Variants in PROM1 observed in about 807,000 individuals in gnomAD.
The protein encoded by PROM1 is prominin-1.
A neutral mutation model predicts 116.9 loss-of-function variants in PROM1; 105 were observed. The ratio of observed to expected loss-of-function variants is 0.90; its 90% CI spans 0.77 to 1.06. The LOEUF (loss-of-function observed/expected upper bound fraction) is 1.06. Among genes scored for constraint, PROM1 ranks in the 50% least tolerant of loss-of-function variants. The probability of loss-of-function intolerance (pLI) is 0.00; values close to 1 mark genes in which losing one functional copy is unlikely to be tolerated. For missense variants in PROM1, 1,122 were observed against 1,045.2 expected (o/e 1.07, Z -1.01); for synonymous variants, 393 against 387.0 (o/e 1.02, Z -0.18).
At chr4:16,067,827 G>A (rs1741881741) in intron 2 of PROM1, among the ~76,000 whole-genome samples, 2 of 152,150 alleles carry the variant, frequency 1.3e-5, no homozygotes, top group South Asian at 2.1e-4. Context: ...GACAGTGAGG[G>A]CCCACAGCAG....
At chr4:15,986,746 T>C (rs2149084934) in intron 20 of PROM1, among the ~76,000 whole-genome samples, 1 of 152,302 alleles carries the variant, frequency 6.6e-6, no homozygotes. Context: ...ATCAGAGGCA[T>C]AGCGAGGGTC....
At chr4:16,016,497 T>G (rs929122535) in intron 9 of PROM1, among the ~76,000 whole-genome samples, 2 of 152,212 alleles carry the variant, frequency 1.3e-5, no homozygotes, top group African/African-American at 4.8e-5. Flanking sequence ...GTAACACAAA[T>G]GTAATATATA....
chr4:16,019,435 T>C (rs774658362), intron 8 of PROM1, among the ~76,000 whole-genome samples: 23 of 152,254 alleles, frequency 1.5e-4, no homozygotes, highest in Non-Finnish European at 2.8e-4. Context: ...CAACGCATAT[T>C]CTACAGTGTA....
chr4:16,039,960 A>G (rs1376899326), intron 2 of PROM1, among the ~76,000 whole-genome samples: 1 of 152,098 alleles, frequency 6.6e-6, no homozygotes, highest in African/African-American at 2.4e-5. Context: ...AGAGGGTGAC[A>G]TAGTGATTCG....
At position 15,979,868 on chromosome 4, in the gene PROM1, T is replaced by A. The variant is rs546909514; in HGVS notation, c.2513+13A>T. 1.1e-5 allele frequency: 16 copies of A among 1,446,688 alleles called. No individual in the cohort carries two copies. In the East Asian group the frequency reaches 2.0e-4, roughly 18 times the overall value. The allele number at this position is 1,446,688 out of a possible 1,614,324, so 89.6% of individuals were successfully genotyped here. ...ATCCCATCTAGGAATATAGTTTTTT[T>A]AAAAAGGCTTACTTTTTCATGGGTA... On this transcript the variant is annotated intron_variant, in intron 25 of 27. Coordinates refer to ENST00000447510, the MANE Select transcript of PROM1 (RefSeq NM_006017.3).
chr4:16,072,795 TGAGATACTTTG>T (rs1180910794), intron 2 of PROM1, among the ~76,000 whole-genome samples: 1 of 152,194 alleles, frequency 6.6e-6, no homozygotes, highest in African/African-American at 2.4e-5. Flanking sequence ...AATCAGTGCT[TGAGATACTTTG>T]CAGATACTTT....
rs74997366 is a variant in PROM1, at chr4:16,067,927, T to C, written c.220+7760A>G. On this transcript the variant is annotated intron_variant, in intron 2 of 27. Transcript: ENST00000447510. Reference sequence around the variant, plus strand: ...GTGAGCCAGAAGCCCTCCCTGGGAATTGAGAATTGGGATAGAAAAAGAAAG... The same window carrying C: ...GTGAGCCAGAAGCCCTCCCTGGGAACTGAGAATTGGGATAGAAAAAGAAAG... Among the ~76,000 whole-genome samples, 1,357 of 152,056 alleles carry C rather than the reference T, an allele frequency of 8.9e-3. 12 individuals are homozygous for C. The highest frequency in any genetic ancestry group is 0.031 in the African/African-American group (1,292 of 41,468).
intron 10 of PROM1, among the ~76,000 whole-genome samples, chr4:16,015,735 T>C (rs1728213720): frequency 6.6e-6 from 1 of 151,636 alleles, no homozygotes; most frequent in Non-Finnish European, 1.5e-5. Flanking sequence ...AGTAGCTAGC[T>C]ACTTGGAGAG....
At chr4:16,021,740 A>G (rs1203126856) in intron 8 of PROM1, among the ~76,000 whole-genome samples, 26 of 152,056 alleles carry the variant, frequency 1.7e-4, no homozygotes, top group Non-Finnish European at 4.4e-5. Flanking sequence ...CCGCCATCTT[A>G]ACACTCTTCA....
At chr4:15,985,885 A>G in intron 21 of PROM1, 57 bp from the exon 22 acceptor site, 1 of 673,920 alleles carries the variant, frequency 1.5e-6, no homozygotes, top group Non-Finnish European at 2.5e-6. Flanking sequence ...ATACTTAAAC[A>G]TTATAAATAT....
At chr4:15,990,094 C>A (rs1224358403) in intron 18 of PROM1, among the ~76,000 whole-genome samples, 1 of 152,190 alleles carries the variant, frequency 6.6e-6, no homozygotes, top group African/African-American at 2.4e-5. Flanking sequence ...ATGATACAGC[C>A]ACTCTCAGTT....
At chr4:16,035,004 T>C (rs1189083812) in intron 4 of PROM1, among the ~76,000 whole-genome samples, 1 of 152,250 alleles carries the variant, frequency 6.6e-6, no homozygotes, top group African/African-American at 2.4e-5. Flanking sequence ...TCAAGACTAG[T>C]AAATCTGGTG....
chr4:16,082,795 C>T (rs1476042537), intron 1 of PROM1, among the ~76,000 whole-genome samples: 1 of 152,128 alleles, frequency 6.6e-6, no homozygotes, highest in African/African-American at 2.4e-5. Flanking sequence ...GTTCCTCCCT[C>T]CGATCCGACT....
intron 8 of PROM1, among the ~76,000 whole-genome samples, chr4:16,020,790 A>G (rs919544042): frequency 2.0e-5 from 3 of 152,202 alleles, no homozygotes; most frequent in African/African-American, 7.2e-5. Context: ...CACACGGAGG[A>G]CTCAGAAGTA....
In PROM1 at chr4:16,075,988, G is replaced by A. The variant is rs1376313423; in HGVS notation, c.-82C>T. The A allele has an allele frequency of 6.8e-6, 10 of 1,476,340 alleles. No individual in the cohort carries two copies. The highest frequency in any genetic ancestry group is 4.8e-5 in the Admixed American group (2 of 41,310). The allele number at this position is 1,476,340 out of a possible 1,614,324, so 91.5% of individuals were successfully genotyped here. On this transcript the variant is annotated 5_prime_UTR_variant, in exon 2 of 28. In the 5' UTR this introduces an upstream ATG that the reference lacks. Transcript: ENST00000447510. ...TCTGGAAGCCTTGGGGAAGGCAAGC[G>A]TGTTCCTGGGCAGAAGAGGAGCAGG... is the stretch of plus-strand genomic sequence containing the variant.
At chr4:15,980,606 A>AATTTTTTT (rs1560390682) in intron 23 of PROM1, 69 bp from the exon 24 acceptor site, 1 of 639,302 alleles carries the variant, frequency 1.6e-6, no homozygotes, top group Non-Finnish European at 2.4e-6. Flanking sequence ...TGTTTGGGGG[A>AATTTTTTT]TTTTTTTTTT....
At chr4:15,999,601 A>G (rs917411929) in intron 14 of PROM1, among the ~76,000 whole-genome samples, 1 of 152,212 alleles carries the variant, frequency 6.6e-6, no homozygotes, top group African/African-American at 2.4e-5. Context: ...AAGAAAAATT[A>G]TCTTTGAATG....
chr4:16,025,713 ACACACG>A (rs1193840375), intron 5 of PROM1, among the ~76,000 whole-genome samples: 2 of 116,480 alleles, frequency 1.7e-5, no homozygotes, highest in African/African-American at 9.0e-5. Flanking sequence ...GTGAACACAC[ACACACG>A]CACACACACA....
intron 2 of PROM1, among the ~76,000 whole-genome samples, chr4:16,070,844 G>A (rs1742643609): frequency 6.6e-6 from 1 of 152,172 alleles, no homozygotes; most frequent in Admixed American, 6.5e-5. Flanking sequence ...ATGCCATGTA[G>A]AATGTTCCTA....
Sources: gnomAD v4.1 joint callset for allele counts (sites outside exome capture counted in the v4.1 genomes callset) on GRCh38, gnomAD v4.1.1 for gene constraint, MANE v1.5 for transcripts, NCBI Gene and HGNC (gene_info 2026-07-23, HGNC 2026-07-21) for gene names.